The following DEPDC4 variants were observed in gnomAD, a reference collection of about 807,000 sequenced individuals.
DEPDC4 encodes the protein DEP domain containing 4.
In DEPDC4, 52 loss-of-function variants were observed where a neutral mutation model predicts 52.0. That is an observed-to-expected ratio of 1.00 (90% CI 0.80 to 1.26). The LOEUF (loss-of-function observed/expected upper bound fraction) is 1.26. Among genes scored for constraint, DEPDC4 ranks in the 50% most tolerant of loss-of-function variants. The pLI is 0.00. For missense variants in DEPDC4, 530 were observed against 546.9 expected (o/e 0.97, Z 0.31); for synonymous variants, 201 against 196.8 (o/e 1.02, Z -0.18).
At chr12:100,233,883 A>G (rs1442012960) in intron 9 of DEPDC4, among the ~76,000 whole-genome samples, 1 of 152,202 alleles carries the variant, frequency 6.6e-6, no homozygotes, top group Non-Finnish European at 1.5e-5. Context: ...TGTCTCAAAA[A>G]AAAATTTTTT....
intron 3 of DEPDC4, among the ~76,000 whole-genome samples, chr12:100,257,263 A>G (rs2096237533): frequency 6.6e-6 from 1 of 151,988 alleles, no homozygotes; most frequent in African/African-American, 2.4e-5. Flanking sequence ...TTTTTAGTAG[A>G]GACAGGGTTT....
At chr12:100,267,259 G>A, upstream of DEPDC4, 1 of 614,572 alleles carries the variant, frequency 1.6e-6, no homozygotes, top group Non-Finnish European at 2.7e-6. Flanking sequence ...GTTTGCGGCC[G>A]CGGGGGCGGC....
the DEPDC4 span, among the ~76,000 whole-genome samples, chr12:100,280,397 T>TA: frequency 4.6e-5 from 7 of 152,216 alleles, no homozygotes; most frequent in Non-Finnish European, 5.9e-5. Context: ...ATAATACCTC[T>TA]AATTCTCTTT....
intron 3 of DEPDC4, chr12:100,257,736 T>C (rs2096239907): frequency 6.6e-6 from 1 of 152,246 alleles, no homozygotes; most frequent in African/African-American, 2.4e-5. Flanking sequence ...AACAAAGAAA[T>C]CTGTTAACTG....
At position 100,241,849 on chromosome 12, in the gene DEPDC4, G is replaced by GAAA. The variant is rs34267654; in HGVS notation, c.*47-7_*47-5dup. ...AAGGGTTGGCAAAACGTAAAGCCTG[G>GAAA]AAAAAAAAAAAAAAAACAAAAGAAA... On this transcript the variant is annotated splice_polypyrimidine_tract_variant and splice_region_variant and intron_variant, in intron 9 of 9. Coordinates refer to ENST00000550587, the MANE Select transcript of DEPDC4 (RefSeq NM_001364818.2). 2.4e-4 allele frequency: 242 copies of GAAA among 1,018,002 alleles called. No individual in the cohort carries two copies. The highest frequency in any genetic ancestry group is 7.4e-4 in the South Asian group (33 of 44,690). 63.1% of individuals were successfully genotyped at this position (1,018,002 alleles called of 1,614,324 possible).
chr12:100,236,487 C>G (rs1197784596), downstream of DEPDC4, among the ~76,000 whole-genome samples: 1 of 151,930 alleles, frequency 6.6e-6, no homozygotes, highest in Admixed American at 6.6e-5. Flanking sequence ...ATTTGTATAT[C>G]TTCTTTTGAG....
At position 100,264,551 on chromosome 12, in the gene DEPDC4, C is replaced by T. The variant is rs143968904; in HGVS notation, c.158-658G>A. Among the ~76,000 whole-genome samples the T allele has an allele frequency of 9.4e-3, 1,432 of 152,066 alleles. 27 individuals carry two copies. The highest frequency in any genetic ancestry group is 0.032 in the African/African-American group (1,333 of 41,468). On this transcript the variant is annotated intron_variant, in intron 1 of 9. Transcript: ENST00000550587. ...AAAATTAGCCGAGCGTGGTGGCATG[C>T]GCCTGTAATCCCAGTTACTCGGGAG...
At chr12:100,271,855 G>A (rs767108360), upstream of DEPDC4, among the ~76,000 whole-genome samples, 2 of 152,174 alleles carry the variant, frequency 1.3e-5, no homozygotes, top group East Asian at 3.8e-4. Context: ...CATGTTATTT[G>A]AAAATTCAGG....
At chr12:100,269,548 A>T (rs1167173815), upstream of DEPDC4, among the ~76,000 whole-genome samples, 1 of 152,180 alleles carries the variant, frequency 6.6e-6, no homozygotes, top group Non-Finnish European at 1.5e-5. Flanking sequence ...TGAATGGGCC[A>T]AGAATTGTAC....
At position 100,262,288 on chromosome 12, in the gene DEPDC4, GT is replaced by G. The variant is rs778449072; in HGVS notation, c.675del (p.Lys225AsnfsTer23). ...PALCPNITVQ[K>X]PFLRLSKEDV... ...CCTTCTTTTGAAAGCCGGAGAAAAG[GT>G]TTCTGAACTGTGATATTTGGACATA... On this transcript the variant is annotated frameshift_variant, in exon 3 of 10. Coordinates refer to ENST00000550587, the MANE Select transcript of DEPDC4 (RefSeq NM_001364818.2). LOFTEE classifies it high-confidence loss of function. 6.2e-7 allele frequency: 1 copy of G among 1,609,048 alleles called. No individual in the cohort carries two copies. The highest frequency in any genetic ancestry group is 1.7e-4 in the Middle Eastern group (1 of 6,038).
intron 8 of DEPDC4, among the ~76,000 whole-genome samples, chr12:100,247,975 C>A (rs1441295219): frequency 6.6e-6 from 1 of 152,102 alleles, no homozygotes; most frequent in East Asian, 1.9e-4. Flanking sequence ...AGTTACGCAA[C>A]CTCTCTAAGC....
intron 8 of DEPDC4, among the ~76,000 whole-genome samples, chr12:100,245,494 T>C (rs1442930749): frequency 2.0e-5 from 3 of 152,228 alleles, no homozygotes; most frequent in Non-Finnish European, 2.9e-5. Context: ...CTCAAACTCC[T>C]GACCTCAAGT....
intron 3 of DEPDC4, among the ~76,000 whole-genome samples, chr12:100,261,956 G>C (rs1351761302): frequency 6.6e-6 from 1 of 152,228 alleles, no homozygotes; most frequent in East Asian, 1.9e-4. Context: ...TATAATGACA[G>C]ATAATATGTC....
intron 5 of DEPDC4, 58 bp downstream of exon 5, chr12:100,253,431 T>G: frequency 1.4e-6 from 1 of 708,250 alleles, no homozygotes; most frequent in South Asian, 1.7e-5. Flanking sequence ...TATTTCAACT[T>G]GTATATTTTA....
chr12:100,281,629 C>T, the DEPDC4 span, among the ~76,000 whole-genome samples: 3 of 152,094 alleles, frequency 2.0e-5, no homozygotes, highest in South Asian at 2.1e-4. Flanking sequence ...GTCAGGAGAT[C>T]GAGACCATCC....
chr12:100,257,397 A>T (rs1243512099), intron 3 of DEPDC4, among the ~76,000 whole-genome samples: 1 of 145,410 alleles, frequency 6.9e-6, no homozygotes, highest in Admixed American at 7.0e-5. Context: ...TTATTTATTT[A>T]TTTTTTGAGA....
intron 2 of DEPDC4, 62 bp from the exon 3 acceptor site, chr12:100,262,471 TTTAAA>T: frequency 1.6e-6 from 2 of 1,281,840 alleles, no homozygotes; most frequent in Non-Finnish European, 2.1e-6. Flanking sequence ...CAAATATATA[TTTAAA>T]TTAATGTATT....
chr12:100,246,441 C>A (rs1171820176), intron 8 of DEPDC4, among the ~76,000 whole-genome samples: 1 of 152,116 alleles, frequency 6.6e-6, no homozygotes, highest in Non-Finnish European at 1.5e-5. Flanking sequence ...TGAACATCTA[C>A]TATGTGCTAG....
downstream of DEPDC4, chr12:100,237,938 C>T (rs2096144264): frequency 3.8e-6 from 1 of 261,278 alleles, no homozygotes; most frequent in Non-Finnish European, 5.9e-6. Context: ...AAGTATCCAC[C>T]ATTCATAGTG....
Sources: gnomAD v4.1 joint callset for allele counts (sites outside exome capture counted in the v4.1 genomes callset) on GRCh38, gnomAD v4.1.1 for gene constraint, MANE v1.5 for transcripts, NCBI Gene and HGNC (gene_info 2026-07-23, HGNC 2026-07-21) for gene names.